GMDS: variants seen among roughly 807,000 people sequenced by gnomAD.
GMDS encodes the protein GDP-mannose 4,6 dehydratase.
Under a neutral mutation model 49.9 loss-of-function variants are expected in GMDS, and 20 were observed. That is an observed-to-expected ratio of 0.40 (90% CI 0.28 to 0.58). GMDS has a LOEUF of 0.58. Among genes scored for constraint, GMDS ranks in the 20% least tolerant of loss-of-function variants. GMDS has a pLI of 0.42. For synonymous variants in GMDS, 177 were observed against 178.6 expected (o/e 0.99, Z 0.07); for missense variants, 362 against 481.4 (o/e 0.75, Z 2.32).
intron 1 of GMDS, among the ~76,000 whole-genome samples, chr6:2,139,167 A>G (rs1002923578): frequency 3.9e-5 from 6 of 152,216 alleles, no homozygotes; most frequent in African/African-American, 1.2e-4. Flanking sequence ...TCACCCACGT[A>G]ACCAAGAACT....
In GMDS at chr6:1,810,530, G is replaced by A. The variant is rs572652866; in HGVS notation, c.772-67944C>T. Among the ~76,000 whole-genome samples the A allele has an allele frequency of 7.2e-5, 11 of 152,210 alleles. No individual in the cohort carries two copies. The East Asian group carries it at 2.1e-3, about 29-fold the overall frequency. On this transcript the variant is annotated intron_variant, in intron 7 of 10. Transcript: ENST00000380815. ...ACTCTTGACCTCAGGTGATCCACCT[G>A]CCTCGGCCTCCCAGAGTGCTAGGGT...
chr6:2,082,006 C>T lies in GMDS; in HGVS notation c.345+33765G>A, dbSNP rs762667513. 2.6e-4 allele frequency among the ~76,000 whole-genome samples: 40 copies of T among 152,206 alleles called. 1 individual carries two copies. The highest frequency in any genetic ancestry group is 7.5e-4 in the African/African-American group (31 of 41,530). On this transcript the variant is annotated intron_variant, in intron 4 of 10. Coordinates refer to ENST00000380815, the MANE Select transcript of GMDS (RefSeq NM_001500.4). ...TCTCACCACTGCCAAAAAGTTCAGGCGATTTAGCCACAATAGGAAATACCC... is the reference window on the plus strand; with the variant it reads ...TCTCACCACTGCCAAAAAGTTCAGGTGATTTAGCCACAATAGGAAATACCC...
At position 2,218,214 on chromosome 6, in the gene GMDS, G is replaced by A. The variant is rs553315636; in HGVS notation, c.102+27107C>T. ...GAGCGAACACCTCAGAGAAAAAGAG[G>A]AAAAGAAAGAGAAGAAAGTTGAGGA... is the stretch of plus-strand genomic sequence containing the variant. On this transcript the variant is annotated intron_variant, in intron 1 of 10. Coordinates refer to ENST00000380815, the MANE Select transcript of GMDS (RefSeq NM_001500.4). Among the ~76,000 whole-genome samples the A allele has an allele frequency of 1.2e-4, 18 of 152,168 alleles. 1 individual carries two copies. In the South Asian group the frequency reaches 3.5e-3, roughly 30 times the overall value.
chr6:2,136,345 C>T (rs931789790), intron 1 of GMDS, among the ~76,000 whole-genome samples: 3 of 152,122 alleles, frequency 2.0e-5, no homozygotes, highest in Non-Finnish European at 4.4e-5. Context: ...TTTCTCATAA[C>T]GAAATTGAGT....
At chr6:2,173,641 A>T (rs555535584) in intron 1 of GMDS, among the ~76,000 whole-genome samples, 1 of 152,256 alleles carries the variant, frequency 6.6e-6, no homozygotes, top group Non-Finnish European at 1.5e-5. Flanking sequence ...TCAATGATAC[A>T]GGAAAAAATA....
intron 4 of GMDS, among the ~76,000 whole-genome samples, chr6:2,041,498 T>C (rs895306556): frequency 6.6e-6 from 1 of 152,230 alleles, no homozygotes; most frequent in Non-Finnish European, 1.5e-5. Flanking sequence ...CCATTTTGAC[T>C]GGGCTTAAAG....
intron 9 of GMDS, among the ~76,000 whole-genome samples, chr6:1,701,280 A>G (rs1187877730): frequency 2.0e-5 from 3 of 152,210 alleles, no homozygotes; most frequent in Non-Finnish European, 4.4e-5. Context: ...CTTATTATTT[A>G]AAAAATACAG....
chr6:1,968,905 C>A lies in GMDS; in HGVS notation c.346-7939G>T, dbSNP rs1223752120. 4.6e-5 allele frequency among the ~76,000 whole-genome samples: 7 copies of A among 152,070 alleles called. No homozygotes were observed. The East Asian group carries it at 1.4e-3, about 29-fold the overall frequency. Reference sequence around the variant, plus strand: ...CACCATTAAATCCCCAAGAATCATACAGAGGTAAAAATATATCTGTAATTT... The same window carrying A: ...CACCATTAAATCCCCAAGAATCATAAAGAGGTAAAAATATATCTGTAATTT... On this transcript the variant is annotated intron_variant, in intron 4 of 10. Coordinates refer to ENST00000380815, the MANE Select transcript of GMDS (RefSeq NM_001500.4).
Position 1,865,634 on chromosome 6 carries a change from A to G in GMDS, c.771+64469T>C, listed in dbSNP as rs936975402. On this transcript the variant is annotated intron_variant, in intron 7 of 10. Transcript: ENST00000380815. ...GAATGCTTAGGTTAAAAAAGAAAAAAAGAACGAAAGGAAAAAAGATGTTAG... is the reference window on the plus strand; with the variant it reads ...GAATGCTTAGGTTAAAAAAGAAAAAGAGAACGAAAGGAAAAAAGATGTTAG... Among the ~76,000 whole-genome samples, 6 of 152,296 alleles carry G rather than the reference A, an allele frequency of 3.9e-5. No individual in the cohort carries two copies. The South Asian group carries it at 1.2e-3, about 32-fold the overall frequency.
intron 1 of GMDS, among the ~76,000 whole-genome samples, chr6:2,235,656 A>G (rs1581841091): frequency 6.6e-6 from 1 of 151,608 alleles, no homozygotes; most frequent in Non-Finnish European, 1.5e-5. Flanking sequence ...AAAAAAAAAT[A>G]CAAAAATTAG....
chr6:2,099,390 T>C (rs2127484284), intron 4 of GMDS, among the ~76,000 whole-genome samples: 1 of 152,254 alleles, frequency 6.6e-6, no homozygotes, highest in East Asian at 1.9e-4. Context: ...TATTTTTCCC[T>C]GGTGAGCAAT....
At chr6:2,201,207 C>A (rs1450466733) in intron 1 of GMDS, among the ~76,000 whole-genome samples, 2 of 127,708 alleles carry the variant, frequency 1.6e-5, no homozygotes, top group African/African-American at 6.2e-5. Flanking sequence ...AGAGAGAGCA[C>A]CACATGGACA....
intron 7 of GMDS, among the ~76,000 whole-genome samples, chr6:1,822,688 T>C (rs187056126): frequency 6.6e-6 from 1 of 152,130 alleles, no homozygotes; most frequent in Non-Finnish European, 1.5e-5. Flanking sequence ...AAACCAAAAG[T>C]AGAAGCATGT....
chr6:2,077,977 C>G (rs1174693957), intron 4 of GMDS, among the ~76,000 whole-genome samples: 1 of 152,056 alleles, frequency 6.6e-6, no homozygotes, highest in East Asian at 1.9e-4. Context: ...TTGGTTTGTT[C>G]AGGCTTTCTG....
At chr6:1,856,313 G>A (rs1388452453) in intron 7 of GMDS, among the ~76,000 whole-genome samples, 1 of 152,184 alleles carries the variant, frequency 6.6e-6, no homozygotes, top group Non-Finnish European at 1.5e-5. Flanking sequence ...ACAGAAATGT[G>A]CTCTAACCTA....
intron 1 of GMDS, among the ~76,000 whole-genome samples, chr6:2,160,513 T>C (rs1270861607): frequency 6.6e-6 from 1 of 152,202 alleles, no homozygotes; most frequent in Non-Finnish European, 1.5e-5. Context: ...AATTTTCAAG[T>C]TGTAGAAAAA....
At chr6:2,106,564 A>T (rs1774252938) in intron 4 of GMDS, among the ~76,000 whole-genome samples, 1 of 152,124 alleles carries the variant, frequency 6.6e-6, no homozygotes, top group African/African-American at 2.4e-5. Flanking sequence ...ACATACTGTA[A>T]TCTAATCAAG....
chr6:1,791,876 T>C (rs895229250), intron 7 of GMDS, among the ~76,000 whole-genome samples: 1 of 152,212 alleles, frequency 6.6e-6, no homozygotes, highest in African/African-American at 2.4e-5. Context: ...CAAATATTGA[T>C]GAGACTGATA....
chr6:2,027,696 T>TA (rs1407784950), intron 4 of GMDS, among the ~76,000 whole-genome samples: 1 of 151,972 alleles, frequency 6.6e-6, no homozygotes, highest in African/African-American at 2.4e-5. Flanking sequence ...GAAAACAGGG[T>TA]AAATAGCATG....
Sources: gnomAD v4.1 joint callset for allele counts (sites outside exome capture counted in the v4.1 genomes callset) on GRCh38, gnomAD v4.1.1 for gene constraint, MANE v1.5 for transcripts, NCBI Gene and HGNC (gene_info 2026-07-23, HGNC 2026-07-21) for gene names.